The following DNAH17 variants were observed in gnomAD, a reference collection of about 807,000 sequenced individuals.
DNAH17 encodes dynein axonemal heavy chain 17, also known as axonemal beta dynein heavy chain 17.
In DNAH17, 376 loss-of-function variants were observed where a neutral mutation model predicts 485.6. The observed-to-expected ratio is 0.77, with a 90% CI of 0.71 to 0.84. DNAH17 has a LOEUF of 0.84. Ranked by LOEUF, DNAH17 falls within the 40% of genes least tolerant of loss-of-function variation. DNAH17 has a pLI of 0.00. For synonymous variants in DNAH17, 3,031 were observed against 2,405.9 expected (o/e 1.26, Z -7.60); for missense variants, 6,370 against 5,839.3 (o/e 1.09, Z -2.96).
intron 17 of DNAH17, 101 bp downstream of exon 17, chr17:78,543,756 T>C: frequency 2.0e-6 from 3 of 1,537,594 alleles, no homozygotes; most frequent in Non-Finnish European, 1.8e-6. Context: ...ACAAGAAATG[T>C]GTCACTAATC....
At chr17:78,472,607 C>A in intron 54 of DNAH17, 1 of 381,792 alleles carries the variant, frequency 2.6e-6, no homozygotes. Context: ...AAACTCCCCA[C>A]CGCCTGGCCC....
Position 78,574,916 on chromosome 17 carries a change from C to G in DNAH17, c.142G>C (p.Asp48His). Reference protein sequence around the residue: ...ALFTEFFEKPDVQVLVLTLNA... With the variant: ...ALFTEFFEKPHVQVLVLTLNA... The stretch of plus-strand genomic sequence containing the variant: ...AGCGTCAGCACCAGCACCTGGACGT[C>G]GGGCTTTTCAAAGAACTCTGTGAAC... The change falls in exon 2 of 81, where the codon GAC (aspartate) becomes CAC (histidine). Residue 48 changes from aspartate to histidine, a missense_variant. Asp to His is a moderately conservative substitution (Grantham distance 81). Transcript: ENST00000389840. 1.2e-6 allele frequency: 2 copies of G among 1,614,024 alleles called. No homozygotes were observed. Among genetic ancestry groups the G allele is most frequent in the East Asian group, 4.5e-5 (2 of 44,890 alleles).
At chr17:78,445,389 G>A (rs1482666417) in intron 70 of DNAH17, among the ~76,000 whole-genome samples, 169 bp downstream of exon 70, 1 of 152,200 alleles carries the variant, frequency 6.6e-6, no homozygotes, top group Non-Finnish European at 1.5e-5. Context: ...TCTGTGAGCT[G>A]GCAGCCAGCC....
chr17:78,442,115 CAGCTGG>C (rs1279551543), intron 71 of DNAH17, among the ~76,000 whole-genome samples: 1 of 152,058 alleles, frequency 6.6e-6, no homozygotes, highest in Non-Finnish European at 1.5e-5. Context: ...TTTTAGTGGC[CAGCTGG>C]TCTCTGAAAG....
intron 74 of DNAH17, among the ~76,000 whole-genome samples, chr17:78,435,577 G>T (rs1241418333): frequency 1.3e-5 from 2 of 152,164 alleles, no homozygotes; most frequent in African/African-American, 4.8e-5. Context: ...CTGCCTCAGT[G>T]CCCCGATCCC....
chr17:78,444,590 G>C lies in DNAH17; in HGVS notation c.11528+14C>G. 6.5e-7 allele frequency: 1 copy of C among 1,540,396 alleles called. No homozygotes were observed. Among genetic ancestry groups the C allele is most frequent in the South Asian group, 1.2e-5 (1 of 83,348 alleles). ...GCCTCGGGGGCGGGGCCCCCGGCGC[G>C]GCGGGACACTCACTTGATAGCGTAG... is the stretch of plus-strand genomic sequence containing the variant. On this transcript the variant is annotated intron_variant, in intron 71 of 80. Coordinates refer to ENST00000389840, the MANE Select transcript of DNAH17 (RefSeq NM_173628.4).
intron 22 of DNAH17, 96 bp downstream of exon 22, chr17:78,529,376 A>T (rs1369216125): frequency 8.4e-7 from 1 of 1,193,716 alleles, no homozygotes; most frequent in Admixed American, 1.8e-5. Flanking sequence ...AGCCCACAGC[A>T]TCCCCCATGG....
chr17:78,561,340 T>TC (rs1203504161), intron 12 of DNAH17, among the ~76,000 whole-genome samples: 2 of 150,812 alleles, frequency 1.3e-5, no homozygotes, highest in African/African-American at 4.9e-5. Flanking sequence ...AAGCCGGGGC[T>TC]CCCCTGCAGC....
At chr17:78,572,022 C>T (rs2092365836) in intron 3 of DNAH17, among the ~76,000 whole-genome samples, 1 of 152,180 alleles carries the variant, frequency 6.6e-6, no homozygotes, top group Non-Finnish European at 1.5e-5. Context: ...CCTGGAGGCG[C>T]TCACCTCCAA....
chr17:78,510,312 C>T, intron 27 of DNAH17, 72 bp downstream of exon 27: 1 of 1,586,078 alleles, frequency 6.3e-7, no homozygotes, highest in Non-Finnish European at 8.6e-7. Flanking sequence ...CCTCTGGGCG[C>T]TCTCAGTGGT....
In DNAH17 at chr17:78,499,031, C is replaced by A; in HGVS notation, c.5722G>T (p.Val1908Phe). 6.2e-7 allele frequency: 1 copy of A among 1,610,882 alleles called. No homozygotes were observed. The highest frequency in any genetic ancestry group is 8.5e-7 in the Non-Finnish European group (1 of 1,178,510). Residue 1908 changes from valine to phenylalanine, a missense_variant, in exon 37 of 81, where the codon GTC (valine) becomes TTC (phenylalanine). Val to Phe is a conservative substitution (Grantham distance 50). Transcript: ENST00000389840. ...ACCTGCACGGCAATCACAGACAAGACTTCCACTGAGATGCGATTAAACTCG... is the reference window on the plus strand; with the variant it reads ...ACCTGCACGGCAATCACAGACAAGAATTCCACTGAGATGCGATTAAACTCG... The part of the protein sequence containing the change: ...FDEFNRISVE[V>F]LSVIAVQVKC...
In DNAH17 at chr17:78,570,974, C is replaced by G; in HGVS notation, c.892G>C (p.Glu298Gln). 1 of 1,587,688 alleles carries G rather than the reference C, an allele frequency of 6.3e-7. No homozygotes were observed. The highest frequency in any genetic ancestry group is 8.6e-7 in the Non-Finnish European group (1 of 1,167,050). ...YLKPLRILLE[E>Q]MEQADFTMLP... is the part of the protein sequence containing the mutation. The stretch of plus-strand genomic sequence containing the variant: ...ATCGTGAAGTCGGCTTGTTCCATCT[C>G]CTCCAGCAGGATCCGTAGGGGCTTC... The change falls in exon 6 of 81, where the codon GAG (glutamate) becomes CAG (glutamine). Residue 298 changes from glutamate to glutamine, a missense_variant. Transcript: ENST00000389840.
chr17:78,517,773 C>T (rs1282548058), intron 25 of DNAH17, among the ~76,000 whole-genome samples: 1 of 152,238 alleles, frequency 6.6e-6, no homozygotes, highest in Non-Finnish European at 1.5e-5. Context: ...CAAGATGGAG[C>T]AGCCCTGTTA....
chr17:78,438,497 C>CA (rs2086943045), intron 73 of DNAH17, among the ~76,000 whole-genome samples: 1 of 106,652 alleles, frequency 9.4e-6, no homozygotes, highest in Non-Finnish European at 1.9e-5. Context: ...CACTTGTCAT[C>CA]TTTTTTTTTT....
intron 24 of DNAH17, 78 bp from the exon 25 acceptor site, chr17:78,525,239 G>C: frequency 6.5e-7 from 1 of 1,541,902 alleles, no homozygotes; most frequent in Non-Finnish European, 8.7e-7. Context: ...CGTTCTGCCC[G>C]TCTCTCCAGT....
rs998456346 is a variant in DNAH17 at position 78,508,786 on chromosome 17, T to TA, written c.4237-982dup. ...AAAATATTCTAAAATTTGTTAATTC[T>TA]ATTTTTTATTTTTATTTTTTTAAAA... On this transcript the variant is annotated intron_variant, in intron 27 of 80. Coordinates refer to ENST00000389840, the MANE Select transcript of DNAH17 (RefSeq NM_173628.4). 3.0e-4 allele frequency among the ~76,000 whole-genome samples: 46 copies of TA among 152,212 alleles called. 1 individual carries two copies. The highest frequency in any genetic ancestry group is 1.3e-3 in the Admixed American group (20 of 15,300).
chr17:78,458,756 G>GGCCCTGTGAGCGCTGA (rs1346061612), intron 61 of DNAH17, 76 bp from the exon 62 acceptor site: 2 of 1,345,876 alleles, frequency 1.5e-6, no homozygotes, highest in Non-Finnish European at 2.1e-6. Context: ...AGCAGGGCTG[G>GGCCCTGTGAGCGCTGA]GCCCTGTGAG....
At chr17:78,569,300 C>T (rs1340512283) in intron 8 of DNAH17, 48 bp from the exon 9 acceptor site, 1 of 1,598,132 alleles carries the variant, frequency 6.3e-7, no homozygotes, top group African/African-American at 1.3e-5. Flanking sequence ...TCAAATGTCC[C>T]AAGTTTATCA....
intron 69 of DNAH17, among the ~76,000 whole-genome samples, chr17:78,448,540 GCAA>G (rs887871097): frequency 6.6e-5 from 10 of 152,052 alleles, no homozygotes; most frequent in Non-Finnish European, 1.3e-4. Context: ...AGCAGCAGTA[GCAA>G]CAACAACAAA....
Sources: allele counts gnomAD v4.1 joint callset (sites outside exome capture counted in the v4.1 genomes callset), GRCh38; gene constraint gnomAD v4.1.1; transcripts MANE v1.5; gene names NCBI Gene and HGNC (gene_info 2026-07-23, HGNC 2026-07-21).